FBLN2: variants seen among roughly 807,000 people sequenced by gnomAD.
FBLN2 encodes fibulin 2.
Under a neutral mutation model 123.7 loss-of-function variants are expected in FBLN2, and 81 were observed. The ratio of observed to expected loss-of-function variants is 0.65; its 90% CI spans 0.55 to 0.79. The LOEUF is 0.79. Among genes scored for constraint, FBLN2 ranks in the 30% least tolerant of loss-of-function variants. The pLI is 0.00. For missense variants in FBLN2, 1,603 were observed against 1,681.3 expected, an observed-to-expected ratio of 0.95 and a Z score of 0.81; for synonymous variants, 699 against 701.4, an observed-to-expected ratio of 1.00 and a Z score of 0.05.
intron 2 of FBLN2, among the ~76,000 whole-genome samples, chr3:13,573,565 G>C (rs1216105292): frequency 6.6e-6 from 1 of 152,134 alleles, no homozygotes; most frequent in Non-Finnish European, 1.5e-5. Flanking sequence ...TGTACATTCA[G>C]CATCTTACCG....
intron 9 of FBLN2, 83 bp from the exon 10 acceptor site, chr3:13,626,362 C>T: frequency 4.3e-6 from 6 of 1,399,082 alleles, no homozygotes; most frequent in Non-Finnish European, 5.7e-6. Context: ...CTCTCTCCCT[C>T]CTGGTGGCCC....
intron 9 of FBLN2, among the ~76,000 whole-genome samples, chr3:13,624,221 C>G (rs1276303433): frequency 2.6e-5 from 4 of 152,222 alleles, no homozygotes; most frequent in African/African-American, 9.7e-5. Context: ...CCGTGTGACT[C>G]TGGTCCAGTC....
intron 9 of FBLN2, 21 bp downstream of exon 9, chr3:13,621,936 C>T: frequency 1.2e-6 from 2 of 1,604,604 alleles, no homozygotes; most frequent in Non-Finnish European, 1.7e-6. Flanking sequence ...GCCCCGCCTG[C>T]CGCCCGCCGT....
In FBLN2 at chr3:13,571,581, C is replaced by T. The variant is rs113265853; in HGVS notation, c.1226C>T (p.Pro409Leu). ...IPPTREVPRK[P>L]QVLPHSHVEE... is the part of the protein sequence containing the mutation. Reference sequence around the variant, plus strand: ...CCCACCCGAGAAGTGCCCAGGAAGCCGCAAGTTCTGCCCCATTCCCACGTG... The same window carrying T: ...CCCACCCGAGAAGTGCCCAGGAAGCTGCAAGTTCTGCCCCATTCCCACGTG... Residue 409 changes from proline (P) to leucine (L), a missense_variant, in exon 2 of 18, where the codon CCG (proline) becomes CTG (leucine). Transcript: ENST00000404922. 6.5e-3 allele frequency: 10,456 copies of T among 1,613,482 alleles called. 156 individuals carry two copies. The highest frequency in any genetic ancestry group is 0.045 in the South Asian group (4,106 of 90,862).
At chr3:13,559,466 A>G (rs901935604) in intron 1 of FBLN2, among the ~76,000 whole-genome samples, 3 of 152,182 alleles carry the variant, frequency 2.0e-5, no homozygotes, top group African/African-American at 4.8e-5. Context: ...TACAGTAGGA[A>G]AGAGAGAAGC....
At chr3:13,633,927 T>C (rs1241830190) in intron 16 of FBLN2, among the ~76,000 whole-genome samples, 1 of 100,714 alleles carries the variant, frequency 9.9e-6, no homozygotes, top group Non-Finnish European at 2.0e-5. Context: ...CTCCAGTCTT[T>C]CCCTTAGCAG....
intron 2 of FBLN2, among the ~76,000 whole-genome samples, chr3:13,604,175 C>CTG (rs1277218144): frequency 3.3e-5 from 5 of 152,188 alleles, no homozygotes; most frequent in Non-Finnish European, 7.3e-5. Flanking sequence ...TTCTCCCATT[C>CTG]TGTAGGTTCC....
chr3:13,619,493 T>C lies in FBLN2; in HGVS notation c.2054-237T>C, dbSNP rs111281931. On this transcript the variant is annotated intron_variant, in intron 7 of 17. Transcript: ENST00000404922. ...CGCAAGGCATGGGCTGGGATCCGAG[T>C]GGTGGGGGAGGTAGACCCAGAACGT... 1.4e-3 allele frequency among the ~76,000 whole-genome samples: 216 copies of C among 152,038 alleles called. 1 individual carries two copies. The highest frequency in any genetic ancestry group is 5.1e-3 in the African/African-American group (212 of 41,436).
In FBLN2 at chr3:13,629,821, C is replaced by T. The variant is rs201729689; in HGVS notation, c.2844C>T (p.Asp948=). 9.7e-5 allele frequency: 153 copies of T among 1,570,130 alleles called. No homozygotes were observed. Among genetic ancestry groups the T allele is most frequent in the Non-Finnish European group, 1.2e-4 (135 of 1,158,032 alleles). ...TACCTGCTGCCTGCCCTCCCACAGACGTGAATGAGTGCTGGGCCTCGCCAG... is the reference window on the plus strand; with the variant it reads ...TACCTGCTGCCTGCCCTCCCACAGATGTGAATGAGTGCTGGGCCTCGCCAG... The part of the protein sequence containing the change: ...QRDAFGRGCI[D]VNECWASPGR... The change falls in exon 14 of 18, where the codon GAC becomes GAT. Residue 948 remains aspartate (D), a splice_region_variant and synonymous_variant. Transcript: ENST00000404922.
chr3:13,569,674 G>A (rs903563247), intron 1 of FBLN2, among the ~76,000 whole-genome samples: 1 of 152,064 alleles, frequency 6.6e-6, no homozygotes, highest in Admixed American at 6.5e-5. Flanking sequence ...TCAGAGGTGT[G>A]TTCCTGAGTC....
intron 1 of FBLN2, among the ~76,000 whole-genome samples, chr3:13,564,239 C>A (rs763777573): frequency 3.3e-5 from 5 of 152,030 alleles, no homozygotes; most frequent in African/African-American, 1.2e-4. Flanking sequence ...GCACAGCCAG[C>A]GGGCCAGGTG....
intron 14 of FBLN2, among the ~76,000 whole-genome samples, 168 bp from the exon 15 acceptor site, chr3:13,630,531 C>T (rs1454697536): frequency 1.3e-5 from 2 of 152,232 alleles, no homozygotes; most frequent in East Asian, 3.9e-4. Flanking sequence ...CCTGGGAGGC[C>T]ATGGATCCCT....
Position 13,614,113 on chromosome 3 carries a change from A to G in FBLN2, c.1678A>G (p.Ile560Val), listed in dbSNP as rs983004537. The change falls in exon 5 of 18, where the codon ATA becomes GTA. Residue 560 changes from isoleucine to valine, a missense_variant. Ile to Val is a conservative substitution (Grantham distance 29). Coordinates refer to ENST00000404922, the MANE Select transcript of FBLN2 (RefSeq NM_001004019.2). The part of the protein sequence containing the change: ...LSCCEGEEPL[I>V]VPEVRRPPEP... ...CTGCTGTGAGGGTGAAGAGCCTCTC[A>G]TAGTACCTGAGGTTCGCCGACCTCC... 3 of 1,613,442 alleles carry G rather than the reference A, an allele frequency of 1.9e-6. No homozygotes were observed. Among genetic ancestry groups the G allele is most frequent in the African/African-American group, 1.3e-5 (1 of 74,926 alleles).
chr3:13,570,549 G>A lies in FBLN2; in HGVS notation c.194G>A (p.Cys65Tyr). 1 of 1,590,882 alleles carries A rather than the reference G, an allele frequency of 6.3e-7. No homozygotes were observed. Among genetic ancestry groups the A allele is most frequent in the Admixed American group, 1.8e-5 (1 of 56,914 alleles). ...ACGTGTGTGCAGCAGGGCTGCGCCTGCGAGGGCTACCAGTACTATGACTGC... is the reference window on the plus strand; with the variant it reads ...ACGTGTGTGCAGCAGGGCTGCGCCTACGAGGGCTACCAGTACTATGACTGC... ...CATCVQQGCA[C>Y]EGYQYYDCLQ... The change falls in exon 2 of 18, where the codon TGC becomes TAC. Residue 65 changes from cysteine to tyrosine, a missense_variant. Cys to Tyr is a radical substitution (Grantham distance 194). Coordinates refer to ENST00000404922, the MANE Select transcript of FBLN2 (RefSeq NM_001004019.2).
chr3:13,549,324 C>A, intron 1 of FBLN2, 116 bp downstream of exon 1: 1 of 656,320 alleles, frequency 1.5e-6, no homozygotes, highest in Non-Finnish European at 1.9e-6. Flanking sequence ...GGACGCGCCT[C>A]GCGGGCTGCC....
At chr3:13,560,981 A>G (rs148503175) in intron 1 of FBLN2, among the ~76,000 whole-genome samples, 28 of 152,216 alleles carry the variant, frequency 1.8e-4, no homozygotes, top group Non-Finnish European at 3.5e-4. Context: ...AAAAAACACA[A>G]ACATACAAAA....
At chr3:13,577,509 G>A (rs1704189501) in intron 2 of FBLN2, among the ~76,000 whole-genome samples, 1 of 152,216 alleles carries the variant, frequency 6.6e-6, no homozygotes. Flanking sequence ...CTTCTACTCT[G>A]AGGTGAGAGC....
At chr3:13,568,725 T>G in intron 1 of FBLN2, 1 of 977,872 alleles carries the variant, frequency 1.0e-6, no homozygotes, top group Non-Finnish European at 1.2e-6. Flanking sequence ...TGCCACGTCC[T>G]CCTTCCGTCT....
intron 2 of FBLN2, among the ~76,000 whole-genome samples, chr3:13,596,916 A>T (rs1704861099): frequency 6.7e-6 from 1 of 149,790 alleles, no homozygotes; most frequent in Admixed American, 6.7e-5. Flanking sequence ...TAAATTTAAA[A>T]AATAAATTTG....
Sources: allele counts gnomAD v4.1 joint callset (sites outside exome capture counted in the v4.1 genomes callset), GRCh38; gene constraint gnomAD v4.1.1; transcripts MANE v1.5; gene names NCBI Gene and HGNC (gene_info 2026-07-23, HGNC 2026-07-21).